The following KCNIP3 variants were observed in gnomAD, a reference collection of about 807,000 sequenced individuals.
KCNIP3 encodes the protein calsenilin.
A neutral mutation model predicts 35.0 loss-of-function variants in KCNIP3; 28 were observed. The ratio of observed to expected loss-of-function variants is 0.80; its 90% CI spans 0.59 to 1.10. KCNIP3 has a LOEUF of 1.10. Ranked by LOEUF, KCNIP3 falls within the 50% of genes least tolerant of loss-of-function variation. The pLI, the probability that KCNIP3 is intolerant of heterozygous loss-of-function variation, is 0.00. For missense variants in KCNIP3, 295 were observed against 338.4 expected, an observed-to-expected ratio of 0.87 and a Z score of 1.01; for synonymous variants, 134 against 133.8, an observed-to-expected ratio of 1.00 and a Z score of -0.01.
intron 2 of KCNIP3, among the ~76,000 whole-genome samples, chr2:95,325,850 CAT>C (rs1443787037): frequency 1.1e-3 from 63 of 59,720 alleles, no homozygotes; most frequent in African/African-American, 5.8e-3. Context: ...CTCATACACA[CAT>C]ACACTCACAG....
chr2:95,297,357 C>A lies in KCNIP3; in HGVS notation c.-82C>A. On this transcript the variant is annotated 5_prime_UTR_variant, in exon 1 of 9. Coordinates refer to ENST00000295225, the MANE Select transcript of KCNIP3 (RefSeq NM_013434.5). Reference sequence around the variant, plus strand: ...CGTCTGGGTCCAAGCAAACATGAGGCAGCTGCCAGCCGGCCTGGGCAGTCT... The same window carrying A: ...CGTCTGGGTCCAAGCAAACATGAGGAAGCTGCCAGCCGGCCTGGGCAGTCT... The A allele has an allele frequency of 1.4e-6, 2 of 1,411,338 alleles. No individual in the cohort carries two copies. The highest frequency in any genetic ancestry group is 9.8e-7 in the Non-Finnish European group (1 of 1,022,096). 87.4% of individuals were successfully genotyped at this position (1,411,338 alleles called of 1,614,324 possible).
rs1234078412 is a variant in KCNIP3 at position 95,385,599 on chromosome 2, G to A, written c.*1550G>A. On this transcript the variant is annotated 3_prime_UTR_variant, in exon 9 of 9. Coordinates refer to ENST00000295225, the MANE Select transcript of KCNIP3 (RefSeq NM_013434.5). ...CGGGGAGTCCCCGTGTGCCCCAAGA[G>A]GCTAGCCCCAGGGTGAGCAGGGCCC... 6.5e-6 allele frequency: 1 copy of A among 152,990 alleles called. No homozygotes were observed. Among genetic ancestry groups the A allele is most frequent in the South Asian group, 2.1e-4 (1 of 4,838 alleles). 9.5% of individuals were successfully genotyped at this position (152,990 alleles called of 1,614,324 possible).
chr2:95,303,327 T>C (rs1678085754), intron 1 of KCNIP3: 1 of 152,330 alleles, frequency 6.6e-6, no homozygotes, highest in South Asian at 2.1e-4. Flanking sequence ...TCCTGGAGGT[T>C]TGTTCCAAGT....
intron 1 of KCNIP3, among the ~76,000 whole-genome samples, chr2:95,308,201 G>C (rs1372310562): frequency 6.6e-6 from 1 of 152,214 alleles, no homozygotes; most frequent in Non-Finnish European, 1.5e-5. Flanking sequence ...TCCACCCCCA[G>C]CTCTCCCCCT....
At chr2:95,304,730 T>C (rs1678128924) in intron 1 of KCNIP3, among the ~76,000 whole-genome samples, 1 of 152,156 alleles carries the variant, frequency 6.6e-6, no homozygotes, top group Non-Finnish European at 1.5e-5. Flanking sequence ...GACCATTAAA[T>C]ATGATAACCC....
chr2:95,352,131 C>T (rs761575496), intron 2 of KCNIP3, among the ~76,000 whole-genome samples: 4 of 152,194 alleles, frequency 2.6e-5, no homozygotes, highest in South Asian at 2.1e-4. Flanking sequence ...GGCATGGTGG[C>T]GGGCGTCTGT....
At chr2:95,355,449 A>C (rs1407003854) in intron 2 of KCNIP3, among the ~76,000 whole-genome samples, 2 of 152,020 alleles carry the variant, frequency 1.3e-5, no homozygotes, top group Non-Finnish European at 2.9e-5. Flanking sequence ...GCACTCATCA[A>C]CTCATCATTT....
intron 2 of KCNIP3, among the ~76,000 whole-genome samples, chr2:95,362,231 C>T (rs1316617282): frequency 3.3e-5 from 5 of 152,020 alleles, no homozygotes; most frequent in Non-Finnish European, 7.4e-5. Flanking sequence ...CTCAGCCTCC[C>T]GAGTAGCTGG....
Position 95,301,878 on chromosome 2 carries a change from G to A in KCNIP3, c.15+4425G>A, listed in dbSNP as rs114904618. Among the ~76,000 whole-genome samples the A allele has an allele frequency of 8.5e-3, 1,287 of 152,170 alleles. 26 individuals carry two copies. Among genetic ancestry groups the A allele is most frequent in the Non-Finnish European group, 7.9e-3 (537 of 67,978 alleles). ...TGTGTGTGTGTGTGTGTGTGTGTGC[G>A]CGCTCATAGGTGTGTTTGCAGGCAT... On this transcript the variant is annotated intron_variant, in intron 1 of 8. Coordinates refer to ENST00000295225, the MANE Select transcript of KCNIP3 (RefSeq NM_013434.5).
intron 1 of KCNIP3, among the ~76,000 whole-genome samples, chr2:95,306,710 G>T (rs1265162903): frequency 1.3e-5 from 2 of 152,170 alleles, no homozygotes; most frequent in South Asian, 4.1e-4. Flanking sequence ...AGGCACTGGG[G>T]CTCCCGGCAG....
chr2:95,348,964 G>A (rs1213411977), intron 2 of KCNIP3, among the ~76,000 whole-genome samples: 1 of 152,210 alleles, frequency 6.6e-6, no homozygotes. Flanking sequence ...AGTGGGGCTT[G>A]CATGGATAAT....
In KCNIP3 at chr2:95,369,729, C is replaced by T. The variant is rs536786835; in HGVS notation, c.182-4567C>T. ...CACTGCAGCGTCAATCTCCCAGGCT[C>T]AAGTGCTCCTCCCACCTTAGCCTCC... is the stretch of plus-strand genomic sequence containing the variant. On this transcript the variant is annotated intron_variant, in intron 2 of 8. Coordinates refer to ENST00000295225, the MANE Select transcript of KCNIP3 (RefSeq NM_013434.5). 1.1e-3 allele frequency among the ~76,000 whole-genome samples: 173 copies of T among 152,178 alleles called. 1 individual carries two copies. The Middle Eastern group carries it at 0.017, about 15-fold the overall frequency.
intron 2 of KCNIP3, among the ~76,000 whole-genome samples, chr2:95,360,504 C>T (rs1679768029): frequency 6.6e-6 from 1 of 152,322 alleles, no homozygotes; most frequent in African/African-American, 2.4e-5. Flanking sequence ...CTACTCACTA[C>T]CCAGTTCCAA....
At chr2:95,317,728 G>C (rs1312852964) in intron 2 of KCNIP3, among the ~76,000 whole-genome samples, 1 of 152,224 alleles carries the variant, frequency 6.6e-6, no homozygotes, top group Non-Finnish European at 1.5e-5. Context: ...TTGAGTGTCA[G>C]GCTGAGGAGA....
chr2:95,307,112 C>A (rs536997481), intron 1 of KCNIP3, among the ~76,000 whole-genome samples: 1 of 152,206 alleles, frequency 6.6e-6, no homozygotes, highest in Admixed American at 6.5e-5. Flanking sequence ...GGGTGCCCAT[C>A]ATGGGCCTGC....
intron 2 of KCNIP3, among the ~76,000 whole-genome samples, chr2:95,324,678 C>CAAA (rs1405540098): frequency 6.6e-6 from 1 of 151,928 alleles, no homozygotes; most frequent in Non-Finnish European, 1.5e-5. Flanking sequence ...TTTGGGAGGC[C>CAAA]AAGGTGGGCG....
At chr2:95,319,723 C>A (rs1288557154) in intron 2 of KCNIP3, among the ~76,000 whole-genome samples, 1 of 152,224 alleles carries the variant, frequency 6.6e-6, no homozygotes, top group Non-Finnish European at 1.5e-5. Context: ...GAGTCCGTAT[C>A]GTCTGGAGCT....
chr2:95,365,294 T>A (rs1679891035), intron 2 of KCNIP3, among the ~76,000 whole-genome samples: 1 of 151,882 alleles, frequency 6.6e-6, no homozygotes, highest in African/African-American at 2.4e-5. Context: ...CCCAAGTAGC[T>A]GGGATTACAG....
chr2:95,377,577 A>G lies in KCNIP3; in HGVS notation c.447+2369A>G, dbSNP rs1001941609. ...GACAGCCGTAGAACAGAGGCTGTGG[A>G]TGTGACAGGGTTCCTACACTTTGGC... On this transcript the variant is annotated intron_variant, in intron 5 of 8. Coordinates refer to ENST00000295225, the MANE Select transcript of KCNIP3 (RefSeq NM_013434.5). This position sits in a 1 kb window ranked among gnomAD's most constrained non-coding sequence, Gnocchi z 4.7. Among the ~76,000 whole-genome samples the G allele has an allele frequency of 4.6e-5, 7 of 152,238 alleles. No homozygotes were observed. The highest frequency in any genetic ancestry group is 1.0e-4 in the Non-Finnish European group (7 of 68,054).
Sources: gnomAD v4.1 joint callset for allele counts (sites outside exome capture counted in the v4.1 genomes callset) on GRCh38, gnomAD v4.1.1 for gene constraint, Gnocchi (gnomAD v3.1) non-coding constraint, MANE v1.5 for transcripts, NCBI Gene and HGNC (gene_info 2026-07-23, HGNC 2026-07-21) for gene names.